Variants in DRGX observed in about 807,000 individuals in gnomAD.
DRGX encodes dorsal root ganglia homeobox, also known as dorsal root ganglia homeobox protein.
A neutral mutation model predicts 28.6 loss-of-function variants in DRGX; 21 were observed. The observed-to-expected ratio is 0.73, with a 90% CI of 0.52 to 1.06. The LOEUF (loss-of-function observed/expected upper bound fraction) is 1.06. Among genes scored for constraint, DRGX ranks in the 50% least tolerant of loss-of-function variants. DRGX has a pLI of 0.00. For missense variants in DRGX, 354 were observed against 343.9 expected (o/e 1.03, Z -0.23); for synonymous variants, 136 against 139.1 (o/e 0.98, Z 0.16).
chr10:49,385,028 G>A (rs1849816225), intron 6 of DRGX, among the ~76,000 whole-genome samples: 1 of 152,158 alleles, frequency 6.6e-6, no homozygotes, highest in African/African-American at 2.4e-5. Flanking sequence ...CAGCCCCTTG[G>A]ATGATGCCCA....
At position 49,366,208 on chromosome 10, in the gene DRGX, G is replaced by A; in HGVS notation, c.700C>T (p.Pro234Ser). Residue 234 changes from proline (P) to serine (S), a missense_variant, in exon 7 of 7, where the codon CCC becomes TCC. Pro to Ser is a moderately conservative substitution (Grantham distance 74). Coordinates refer to ENST00000374139, the MANE Select transcript of DRGX (RefSeq NM_001276451.2). ...ANLLPSTSSS[P>S]GPVAKPAPPD... ...GGCGCCGGCTTGGCGACAGGGCCGG[G>A]GCTGCTGCTGGTGGAAGGCAGGAGG... 1 of 1,613,786 alleles carries A rather than the reference G, an allele frequency of 6.2e-7. No homozygotes were observed. Among genetic ancestry groups the A allele is most frequent in the Non-Finnish European group, 8.5e-7 (1 of 1,179,832 alleles).
At chr10:49,373,689 T>C (rs1467189844) in intron 6 of DRGX, among the ~76,000 whole-genome samples, 1 of 152,216 alleles carries the variant, frequency 6.6e-6, no homozygotes, top group Non-Finnish European at 1.5e-5. Flanking sequence ...ACCTTGATCT[T>C]AGACTTCCCA....
chr10:49,377,755 A>G (rs1207578686), intron 6 of DRGX, among the ~76,000 whole-genome samples: 2 of 152,216 alleles, frequency 1.3e-5, no homozygotes, highest in African/African-American at 4.8e-5. Flanking sequence ...CTCACGAAAG[A>G]GCCTAAGGAA....
chr10:49,370,411 A>C (rs1055396338), intron 6 of DRGX, among the ~76,000 whole-genome samples: 2 of 152,166 alleles, frequency 1.3e-5, no homozygotes, highest in African/African-American at 4.8e-5. Flanking sequence ...TCTCAAAAAA[A>C]TAAAAAGAGC....
At chr10:49,377,555 G>A (rs575154345) in intron 6 of DRGX, among the ~76,000 whole-genome samples, 3 of 152,326 alleles carry the variant, frequency 2.0e-5, no homozygotes, top group Admixed American at 6.5e-5. Context: ...CCCTTAAGAA[G>A]GCCTGGCATC....
chr10:49,375,995 C>T (rs1297583050), intron 6 of DRGX, among the ~76,000 whole-genome samples: 1 of 152,110 alleles, frequency 6.6e-6, no homozygotes, highest in Non-Finnish European at 1.5e-5. Context: ...TAGGAAATGG[C>T]TTCTGCAGAG....
intron 5 of DRGX, 25 bp downstream of exon 5, chr10:49,386,655 C>T (rs758993509): frequency 5.7e-6 from 9 of 1,570,980 alleles, no homozygotes; most frequent in East Asian, 4.5e-5. Flanking sequence ...CATGGCCCAC[C>T]GGGCCCAGAG....
At chr10:49,373,520 G>T (rs1849682458) in intron 6 of DRGX, among the ~76,000 whole-genome samples, 1 of 152,168 alleles carries the variant, frequency 6.6e-6, no homozygotes, top group African/African-American at 2.4e-5. Context: ...GCTTTTGGAA[G>T]ATGATTAAGT....
chr10:49,378,106 A>T (rs2132475824), intron 6 of DRGX, among the ~76,000 whole-genome samples: 1 of 152,280 alleles, frequency 6.6e-6, no homozygotes, highest in Admixed American at 6.5e-5. Flanking sequence ...TTGAGAAAGA[A>T]AAAAAATCAT....
intron 6 of DRGX, among the ~76,000 whole-genome samples, chr10:49,377,484 G>A (rs538245684): frequency 1.2e-4 from 19 of 152,310 alleles, no homozygotes; most frequent in East Asian, 7.7e-4. Flanking sequence ...GGGCTGGCCC[G>A]GCGATTGGCT....
chr10:49,395,669 G>T, intron 1 of DRGX, 148 bp from the exon 2 acceptor site: 1 of 614,382 alleles, frequency 1.6e-6, no homozygotes, highest in Non-Finnish European at 2.9e-6. Context: ...CGGCAGCCCC[G>T]TCGCAAGCAG....
chr10:49,371,775 G>A (rs966192051), intron 6 of DRGX, among the ~76,000 whole-genome samples: 1 of 126,150 alleles, frequency 7.9e-6, no homozygotes, highest in African/African-American at 3.3e-5. Flanking sequence ...CTGGACAACA[G>A]AGTGAGACTC....
intron 4 of DRGX, among the ~76,000 whole-genome samples, chr10:49,388,860 C>T (rs528149734): frequency 1.3e-5 from 2 of 152,300 alleles, no homozygotes; most frequent in South Asian, 2.1e-4. Flanking sequence ...CACATGGAGG[C>T]TCACTAAACA....
intron 6 of DRGX, among the ~76,000 whole-genome samples, chr10:49,385,335 A>G (rs1263353286): frequency 2.6e-5 from 4 of 152,234 alleles, no homozygotes; most frequent in Admixed American, 2.6e-4. Context: ...TTGCAGTGGA[A>G]AGTCCAGACT....
chr10:49,395,326 A>G, intron 2 of DRGX, 81 bp downstream of exon 2: 1 of 1,519,072 alleles, frequency 6.6e-7, no homozygotes, highest in Non-Finnish European at 8.9e-7. Flanking sequence ...GGACCCAGCC[A>G]CCCACCAGCC....
Position 49,391,166 on chromosome 10 carries a change from G to A in DRGX, c.130C>T (p.Gln44Ter). 1 of 1,613,616 alleles carries A rather than the reference G, an allele frequency of 6.2e-7. No individual in the cohort carries two copies. Among genetic ancestry groups the A allele is most frequent in the Non-Finnish European group, 8.5e-7 (1 of 1,179,726 alleles). The change falls in exon 3 of 7, where the codon CAG becomes TAG. Residue 44 changes from glutamine to a stop codon, truncating the protein, a stop_gained and splice_region_variant. Transcript: ENST00000374139. LOFTEE classifies it high-confidence loss of function. ...GAAAGGAGAATCAACGTTGGTACCT[G>A]CTGAAGAGTGAACGTCGTCCGGTTC... Reference protein sequence around the residue: ...RRNRTTFTLQQLEALEAVFAQ... With the variant: ...RRNRTTFTLQ
intron 2 of DRGX, 117 bp downstream of exon 2, chr10:49,395,290 A>C: frequency 7.8e-7 from 1 of 1,290,024 alleles, no homozygotes; most frequent in Non-Finnish European, 1.1e-6. Flanking sequence ...ACTCACCGGC[A>C]GGCGGCTGCG....
At chr10:49,371,739 C>T (rs953309400) in intron 6 of DRGX, among the ~76,000 whole-genome samples, 6 of 136,034 alleles carry the variant, frequency 4.4e-5, no homozygotes, top group Non-Finnish European at 7.5e-5. Context: ...TTGCAGTGAA[C>T]TGAGATCATG....
chr10:49,379,787 G>A (rs1272222694), intron 6 of DRGX, among the ~76,000 whole-genome samples: 3 of 152,250 alleles, frequency 2.0e-5, no homozygotes, highest in Non-Finnish European at 1.5e-5. Flanking sequence ...TGTCTAGTGA[G>A]TGCCATTGCA....
Sources: allele counts gnomAD v4.1 joint callset (sites outside exome capture counted in the v4.1 genomes callset), GRCh38; gene constraint gnomAD v4.1.1; transcripts MANE v1.5; gene names NCBI Gene and HGNC (gene_info 2026-07-23, HGNC 2026-07-21).